Variants in SRFBP1 observed in about 807,000 individuals in gnomAD.
The protein encoded by SRFBP1 is serum response factor-binding protein 1.
Under a neutral mutation model 45.5 loss-of-function variants are expected in SRFBP1, and 47 were observed. The ratio of observed to expected loss-of-function variants is 1.03; its 90% confidence interval spans 0.82 to 1.32. The LOEUF (loss-of-function observed/expected upper bound fraction) is 1.32, where lower values mean the gene tolerates loss of function less well. Among genes scored for constraint, SRFBP1 ranks in the 40% most tolerant of loss-of-function variants. SRFBP1 has a pLI of 0.00. For missense variants in SRFBP1, 621 were observed against 484.6 expected (o/e 1.28, Z -2.64); for synonymous variants, 203 against 166.3 (o/e 1.22, Z -1.70).
At chr5:122,038,218 A>T (rs1347788043) in intron 2 of SRFBP1, among the ~76,000 whole-genome samples, 2 of 152,184 alleles carry the variant, frequency 1.3e-5, no homozygotes, top group East Asian at 1.9e-4. Flanking sequence ...CACTATTCTG[A>T]TACAGAAATT....
At chr5:122,075,213 T>G (rs1754579758) in intron 2 of SRFBP1, 1 of 510,282 alleles carries the variant, frequency 2.0e-6, no homozygotes, top group African/African-American at 1.9e-5. Flanking sequence ...GGGCTTCAGA[T>G]TTTCCATTTC....
At position 122,019,262 on chromosome 5, in the gene SRFBP1, A is replaced by G. The variant is rs372456562; in HGVS notation, c.273A>G (p.Pro91=). 3 of 1,611,128 alleles carry G rather than the reference A, an allele frequency of 1.9e-6. No homozygotes were observed. Among genetic ancestry groups the G allele is most frequent in the Non-Finnish European group, 2.5e-6 (3 of 1,178,436 alleles). Residue 91 remains proline (P), a splice_region_variant and synonymous_variant, in exon 5 of 8, where the codon CCA becomes CCG. Coordinates refer to ENST00000339397, the MANE Select transcript of SRFBP1 (RefSeq NM_152546.3). ...TTATTATATTTTTAAATTTGCAGCC[A>G]GATTCTACTGCAACTGAAAGAGCAA... ...DINFEKIFKK[P]DSTATERAIA... is the part of the protein sequence containing the mutation.
At chr5:122,072,352 C>T (rs1273490904) in intron 2 of SRFBP1, among the ~76,000 whole-genome samples, 2 of 152,166 alleles carry the variant, frequency 1.3e-5, no homozygotes, top group Non-Finnish European at 2.9e-5. Context: ...AATATAAAAA[C>T]AGATTCAATG....
chr5:122,019,239 A>G, intron 4 of SRFBP1, 21 bp from the exon 5 acceptor site: 1 of 1,594,378 alleles, frequency 6.3e-7, no homozygotes, highest in Non-Finnish European at 8.6e-7. Context: ...CCATACGTTT[A>G]TTATATTTTT....
chr5:122,043,500 G>C (rs769939378), intron 2 of SRFBP1, among the ~76,000 whole-genome samples: 1 of 152,192 alleles, frequency 6.6e-6, no homozygotes, highest in Non-Finnish European at 1.5e-5. Context: ...ACAGGCGTGA[G>C]CCACCATGCC....
At position 121,975,492 on chromosome 5, in the gene SRFBP1, C is replaced by T. The variant is rs1450316429; in HGVS notation, c.198+105C>T. On this transcript the variant is annotated intron_variant, in intron 3 of 7. Coordinates refer to ENST00000339397, the MANE Select transcript of SRFBP1 (RefSeq NM_152546.3). ...CTTATTTGAATATTCCCGAGAGTTG[C>T]GTAAGACATCTTGTATCAGTCTGTT... 19 of 1,180,006 alleles carry T rather than the reference C, an allele frequency of 1.6e-5. No individual in the cohort carries two copies. The East Asian group carries it at 1.7e-4, about 10-fold the overall frequency. 73.1% of individuals were successfully genotyped at this position (1,180,006 alleles called of 1,614,324 possible). A position where few individuals can be genotyped will look rare whatever the true frequency, so the allele number is the denominator to read the frequency against.
chr5:122,062,451 AC>A (rs1242473537), intron 2 of SRFBP1, among the ~76,000 whole-genome samples: 1 of 151,984 alleles, frequency 6.6e-6, no homozygotes, highest in African/African-American at 2.4e-5. Context: ...AGATCTACAC[AC>A]CCCTATCTTT....
intron 4 of SRFBP1, among the ~76,000 whole-genome samples, chr5:122,018,475 G>T (rs1230537056): frequency 6.6e-6 from 1 of 152,164 alleles, no homozygotes; most frequent in Non-Finnish European, 1.5e-5. Context: ...AGAGTTTTAG[G>T]CCTGAGCAAC....
intron 4 of SRFBP1, among the ~76,000 whole-genome samples, chr5:122,002,986 A>G (rs1212318391): frequency 6.6e-6 from 1 of 152,222 alleles, no homozygotes; most frequent in Non-Finnish European, 1.5e-5. Flanking sequence ...TTGTCAGAAA[A>G]GCAACACCAA....
In SRFBP1 at chr5:121,994,641, G is replaced by T. The variant is rs1188984523; in HGVS notation, c.241G>T (p.Asp81Tyr). ...AGTAACTAAATCTGCTCTTGGTGAT[G>T]ATATCAACTTTGAAAAAATCTTCAA... ...DIVTKSALGD[D>Y]INFEKIFKKP... The change falls in exon 4 of 8, where the codon GAT (aspartate) becomes TAT (tyrosine). Residue 81 changes from aspartate (D) to tyrosine (Y), a missense_variant. Asp to Tyr is a radical substitution (Grantham distance 160). Coordinates refer to ENST00000339397, the MANE Select transcript of SRFBP1 (RefSeq NM_152546.3). 1 of 1,595,592 alleles carries T rather than the reference G, an allele frequency of 6.3e-7. No individual in the cohort carries two copies. The highest frequency in any genetic ancestry group is 8.5e-7 in the Non-Finnish European group (1 of 1,172,690).
intron 3 of SRFBP1, among the ~76,000 whole-genome samples, chr5:121,993,063 A>G (rs1018861385): frequency 1.2e-4 from 19 of 152,138 alleles, no homozygotes; most frequent in Admixed American, 1.2e-3. Flanking sequence ...AATTAGTCCA[A>G]CAAATTCACA....
intron 3 of SRFBP1, among the ~76,000 whole-genome samples, chr5:121,991,481 T>A (rs1283203397): frequency 6.6e-6 from 1 of 152,132 alleles, no homozygotes; most frequent in Non-Finnish European, 1.5e-5. Flanking sequence ...CTTAGGAGGA[T>A]TCAGAAAAGC....
At chr5:122,051,132 T>A (rs1753965738) in intron 2 of SRFBP1, among the ~76,000 whole-genome samples, 1 of 152,194 alleles carries the variant, frequency 6.6e-6, no homozygotes, top group Non-Finnish European at 1.5e-5. Context: ...AGTATGATTC[T>A]AGTCTTTTTT....
intron 2 of SRFBP1, among the ~76,000 whole-genome samples, chr5:122,048,279 G>A (rs10477627): frequency 6.6e-6 from 1 of 151,870 alleles, no homozygotes; most frequent in South Asian, 2.1e-4. Flanking sequence ...TCTCAGAGGC[G>A]TTTTCTGCAT....
chr5:122,019,954 G>C (rs182206680), intron 5 of SRFBP1, 134 bp from the exon 6 acceptor site: 1 of 520,172 alleles, frequency 1.9e-6, no homozygotes, highest in East Asian at 3.3e-5. Flanking sequence ...AATTCAGACC[G>C]AGTATATGTA....
chr5:121,976,762 A>ATG (rs1041607694), intron 3 of SRFBP1, among the ~76,000 whole-genome samples: 1 of 150,586 alleles, frequency 6.6e-6, no homozygotes, highest in African/African-American at 2.4e-5. Context: ...TAATATATAT[A>ATG]TGTGCATACA....
At chr5:122,058,529 A>AGTGTGTGTGTGT (rs147926229) in intron 2 of SRFBP1, among the ~76,000 whole-genome samples, 16 of 142,236 alleles carry the variant, frequency 1.1e-4, no homozygotes, top group African/African-American at 1.8e-4. Flanking sequence ...ACAATGAGAT[A>AGTGTGTGTGTGT]GTGTGTGTGT....
At chr5:122,033,143 T>G (rs1162301841), downstream of SRFBP1, among the ~76,000 whole-genome samples, 1 of 152,018 alleles carries the variant, frequency 6.6e-6, no homozygotes, top group East Asian at 1.9e-4. Flanking sequence ...TTTTTTTTTT[T>G]GCCCATTTTT....
At chr5:122,076,332 A>T (rs1454914188), downstream of SRFBP1, among the ~76,000 whole-genome samples, 1 of 152,226 alleles carries the variant, frequency 6.6e-6, no homozygotes, top group Non-Finnish European at 1.5e-5. Context: ...CAGTAAACCC[A>T]GAGAACCCCA....
Sources: gnomAD v4.1 joint callset for allele counts (sites outside exome capture counted in the v4.1 genomes callset) on GRCh38, gnomAD v4.1.1 for gene constraint, MANE v1.5 for transcripts, NCBI Gene and HGNC (gene_info 2026-07-23, HGNC 2026-07-21) for gene names.